The following PAX2 variants were observed in gnomAD, a reference collection of about 807,000 sequenced individuals.
PAX2 encodes the protein paired box 2.
PAX2 carries 9 observed loss-of-function variants against 41.7 expected under a neutral mutation model. That is an observed-to-expected ratio of 0.22 (90% CI 0.13 to 0.38). PAX2 has a LOEUF of 0.38. Ranked by LOEUF, PAX2 falls within the 10% of genes least tolerant of loss-of-function variation. The pLI, the probability that PAX2 is intolerant of heterozygous loss-of-function variation, is 1.00. For missense variants in PAX2, 418 were observed against 531.6 expected (o/e 0.79, Z 2.10); for synonymous variants, 221 against 212.7 (o/e 1.04, Z -0.34).
chr10:100,750,982 C>T lies in PAX2; in HGVS notation c.410+91C>T. 3 of 997,410 alleles carry T rather than the reference C, an allele frequency of 3.0e-6. No homozygotes were observed. The highest frequency in any genetic ancestry group is 3.2e-6 in the Non-Finnish European group (2 of 631,640). The allele number at this position is 997,410 out of a possible 1,614,324, so 61.8% of individuals were successfully genotyped here. On this transcript the variant is annotated intron_variant, in intron 3 of 9. Coordinates refer to ENST00000355243, the MANE Select transcript of PAX2 (RefSeq NM_000278.5). The surrounding 1 kb of genome is among the most constrained non-coding windows in gnomAD (Gnocchi z 4.1). Reference sequence around the variant, plus strand: ...CCACGCCCAGTCTCTGCTCTTTGTCCAGCCTCTGCCCTTTCTCCCTGCTTC... The same window carrying T: ...CCACGCCCAGTCTCTGCTCTTTGTCTAGCCTCTGCCCTTTCTCCCTGCTTC...
upstream of PAX2, among the ~76,000 whole-genome samples, chr10:100,743,994 G>A (rs1470875114): frequency 6.6e-6 from 1 of 152,212 alleles, no homozygotes; most frequent in Non-Finnish European, 1.5e-5. Context: ...GGATCCCAGC[G>A]GACCCAGGCC....
chr10:100,754,666 T>C (rs1845566487), intron 3 of PAX2, among the ~76,000 whole-genome samples: 1 of 152,240 alleles, frequency 6.6e-6, no homozygotes, highest in South Asian at 2.1e-4. Context: ...AATGGTCTAC[T>C]AGTTGTTCGT....
chr10:100,813,444 G>A (rs897825685), intron 7 of PAX2, among the ~76,000 whole-genome samples: 2 of 152,210 alleles, frequency 1.3e-5, no homozygotes, highest in African/African-American at 4.8e-5. Flanking sequence ...CAGTATTGGA[G>A]AGGCCGCTGG....
At chr10:100,766,450 A>G (rs1424424323) in intron 3 of PAX2, among the ~76,000 whole-genome samples, 1 of 152,138 alleles carries the variant, frequency 6.6e-6, no homozygotes, top group Non-Finnish European at 1.5e-5. Context: ...TTGGAACTAG[A>G]GTTTATATTG....
At chr10:100,779,614 A>G (rs770138233) in intron 4 of PAX2, 31 bp downstream of exon 4, 53 of 1,497,304 alleles carry the variant, frequency 3.5e-5, no homozygotes, top group Non-Finnish European at 4.5e-5. Flanking sequence ...GGAGGAAACC[A>G]GATCCCACCT....
intron 5 of PAX2, among the ~76,000 whole-genome samples, chr10:100,789,294 CA>C (rs1847005578): frequency 1.3e-5 from 2 of 152,152 alleles, no homozygotes; most frequent in South Asian, 4.1e-4. Flanking sequence ...TTAGTAGAGA[CA>C]GGGTTTCACC....
At chr10:100,774,416 C>T (rs191675953) in intron 3 of PAX2, among the ~76,000 whole-genome samples, 1 of 152,064 alleles carries the variant, frequency 6.6e-6, no homozygotes. Flanking sequence ...CTTGGTCCAG[C>T]CCCCAGTCTG....
In PAX2 at chr10:100,749,840, C is replaced by G; in HGVS notation, c.138C>G (p.His46Gln). The change falls in exon 2 of 10, where the codon CAC becomes CAG. Residue 46 changes from histidine (H) to glutamine (Q), a missense_variant. His to Gln is a conservative substitution (Grantham distance 24). This residue lies in a region of PAX2 where 108 missense variants were observed against 206.3 expected (regional missense o/e 0.52). Transcript: ENST00000355243. Reference sequence around the variant, plus strand: ...GGCAGCGCATCGTGGAGCTGGCCCACCAGGGTGTGCGGCCCTGTGACATCT... The same window carrying G: ...GGCAGCGCATCGTGGAGCTGGCCCAGCAGGGTGTGCGGCCCTGTGACATCT... ...VVRQRIVELA[H>Q]QGVRPCDISR... 1 of 1,612,048 alleles carries G rather than the reference C, an allele frequency of 6.2e-7. No individual in the cohort carries two copies. Among genetic ancestry groups the G allele is most frequent in the East Asian group, 2.2e-5 (1 of 44,858 alleles).
chr10:100,777,848 G>C (rs1249963313), intron 3 of PAX2, among the ~76,000 whole-genome samples: 2 of 152,216 alleles, frequency 1.3e-5, no homozygotes, highest in African/African-American at 4.8e-5. Context: ...GCACATAGTA[G>C]ATGTTCAGTA....
At position 100,750,818 on chromosome 10, in the gene PAX2, G is replaced by A. The variant is rs1481932003; in HGVS notation, c.337G>A (p.Glu113Lys). ...ACAGAACCCGACTATGTTCGCCTGG[G>A]AGATTCGAGACCGGCTCCTGGCCGA... ...KRQNPTMFAW[E>K]IRDRLLAEGI... Residue 113 changes from glutamate (E) to lysine (K), a missense_variant, in exon 3 of 10, where the codon GAG becomes AAG. By Grantham distance (56) the Glu-to-Lys change is moderately conservative. This residue lies in a region of PAX2 where 108 missense variants were observed against 206.3 expected (regional missense o/e 0.52). Transcript: ENST00000355243. This position sits in a 1 kb window ranked among gnomAD's most constrained non-coding sequence, Gnocchi z 4.1. 1 of 1,614,200 alleles carries A rather than the reference G, an allele frequency of 6.2e-7. No individual in the cohort carries two copies. The highest frequency in any genetic ancestry group is 1.7e-5 in the Admixed American group (1 of 60,030).
At chr10:100,825,969 G>A (rs1848543470) in intron 8 of PAX2, among the ~76,000 whole-genome samples, 1 of 151,774 alleles carries the variant, frequency 6.6e-6, no homozygotes, top group African/African-American at 2.4e-5. Flanking sequence ...GGGGAGGTGG[G>A]GGCAGGGAGT....
intron 3 of PAX2, among the ~76,000 whole-genome samples, chr10:100,775,341 G>C (rs1400889141): frequency 6.6e-6 from 1 of 152,202 alleles, no homozygotes; most frequent in Middle Eastern, 3.2e-3. Context: ...ATGAGTTGTT[G>C]GGTTGTTGTA....
chr10:100,749,466 CT>C lies in PAX2; in HGVS notation c.44-279del. 6.3e-6 allele frequency: 8 copies of C among 1,278,258 alleles called. No homozygotes were observed. In the South Asian group the frequency reaches 2.3e-4, roughly 37 times the overall value. 79.2% of individuals were successfully genotyped at this position (1,278,258 alleles called of 1,614,324 possible). A position where few individuals can be genotyped will look rare whatever the true frequency, so the allele number is the denominator to read the frequency against. On this transcript the variant is annotated intron_variant, in intron 1 of 9. Coordinates refer to ENST00000355243, the MANE Select transcript of PAX2 (RefSeq NM_000278.5). ...CATTTTCTCCCCTCTCCCCTCTTTT[CT>C]GTCATCTGGTTTCTCTCCAGTCCCC...
intron 7 of PAX2, among the ~76,000 whole-genome samples, chr10:100,818,415 G>A (rs1848260494): frequency 6.6e-6 from 1 of 152,090 alleles, no homozygotes; most frequent in East Asian, 1.9e-4. Flanking sequence ...GCTGTGCTTT[G>A]TATCATCCTG....
chr10:100,801,675 G>T (rs1847569617), intron 5 of PAX2, among the ~76,000 whole-genome samples: 1 of 152,220 alleles, frequency 6.6e-6, no homozygotes, highest in Admixed American at 6.5e-5. Flanking sequence ...CAGCACCTGT[G>T]CCACAGGCTG....
intron 3 of PAX2, among the ~76,000 whole-genome samples, chr10:100,763,057 C>G (rs1589827341): frequency 1.3e-5 from 2 of 152,314 alleles, no homozygotes; most frequent in East Asian, 3.9e-4. Flanking sequence ...TAATGGATCT[C>G]CAAGGTAGCA....
At chr10:100,820,766 C>T (rs1161094399) in intron 7 of PAX2, among the ~76,000 whole-genome samples, 1 of 152,236 alleles carries the variant, frequency 6.6e-6, no homozygotes, top group African/African-American at 2.4e-5. Context: ...AAGTGTCCAA[C>T]ATGAAATGCC....
chr10:100,803,754 C>T (rs1397264548), intron 5 of PAX2, among the ~76,000 whole-genome samples: 2 of 152,094 alleles, frequency 1.3e-5, no homozygotes, highest in Admixed American at 6.5e-5. Flanking sequence ...CCACTTCCCT[C>T]TCCTCTGCTT....
In PAX2 at chr10:100,750,930, C is replaced by T; in HGVS notation, c.410+39C>T. 2.0e-6 allele frequency: 3 copies of T among 1,490,406 alleles called. No homozygotes were observed. Among genetic ancestry groups the T allele is most frequent in the Non-Finnish European group, 2.8e-6 (3 of 1,069,026 alleles). The allele number at this position is 1,490,406 out of a possible 1,614,324, so 92.3% of individuals were successfully genotyped here. A position where few individuals can be genotyped will look rare whatever the true frequency, so the allele number is the denominator to read the frequency against. Reference sequence around the variant, plus strand: ...CCGGGTTTTCAGGGCTGGACTCCAGCTCCTGGCTCCTGCCTGCAGGGGTGT... The same window carrying T: ...CCGGGTTTTCAGGGCTGGACTCCAGTTCCTGGCTCCTGCCTGCAGGGGTGT... On this transcript the variant is annotated intron_variant, in intron 3 of 9. Transcript: ENST00000355243. This position sits in a 1 kb window ranked among gnomAD's most constrained non-coding sequence, Gnocchi z 4.1.
Sources: allele counts gnomAD v4.1 joint callset (sites outside exome capture counted in the v4.1 genomes callset), GRCh38; gene constraint gnomAD v4.1.1; regional missense constraint gnomAD v4.1.1; non-coding constraint Gnocchi (gnomAD v3.1); transcripts MANE v1.5; gene names NCBI Gene and HGNC (gene_info 2026-07-23, HGNC 2026-07-21).